Variants in MUSK observed in about 807,000 individuals in gnomAD.
The protein encoded by MUSK is muscle, skeletal receptor tyrosine-protein kinase.
Under a neutral mutation model 88.7 loss-of-function variants are expected in MUSK, and 55 were observed. That is an observed-to-expected ratio of 0.62 (90% CI 0.50 to 0.78). The LOEUF is 0.78. Among genes scored for constraint, MUSK ranks in the 30% least tolerant of loss-of-function variants. MUSK has a pLI of 0.00. For synonymous variants in MUSK, 387 were observed against 391.9 expected, an observed-to-expected ratio of 0.99 and a Z score of 0.15; for missense variants, 1,015 against 1,074.3, an observed-to-expected ratio of 0.94 and a Z score of 0.77.
At chr9:110,787,113 C>T (rs956844976) in intron 13 of MUSK, among the ~76,000 whole-genome samples, 3 of 152,024 alleles carry the variant, frequency 2.0e-5, no homozygotes, top group Non-Finnish European at 4.4e-5. Context: ...CTGTAATCCC[C>T]GCAGTTTGGG....
chr9:110,669,866 C>G (rs1467585571), intron 1 of MUSK, among the ~76,000 whole-genome samples: 2 of 152,036 alleles, frequency 1.3e-5, no homozygotes, highest in African/African-American at 4.8e-5. Flanking sequence ...TAATGTTATA[C>G]CATAGAGTAA....
intron 3 of MUSK, among the ~76,000 whole-genome samples, chr9:110,693,809 C>T (rs1456688556): frequency 6.6e-6 from 1 of 152,052 alleles, no homozygotes; most frequent in African/African-American, 2.4e-5. Context: ...TTCAGGGAAC[C>T]TATGGAAGGC....
In MUSK at chr9:110,775,925, A is replaced by C. The variant is rs2077664264; in HGVS notation, c.1322A>C (p.His441Pro). 1 of 1,613,840 alleles carries C rather than the reference A, an allele frequency of 6.2e-7. No individual in the cohort carries two copies. The highest frequency in any genetic ancestry group is 1.3e-5 in the African/African-American group (1 of 74,940). Residue 441 changes from histidine (H) to proline (P), a missense_variant, in exon 10 of 15, where the codon CAT becomes CCT. Physicochemically the swap from His to Pro is moderately conservative, Grantham distance 77. Coordinates refer to ENST00000374448, the MANE Select transcript of MUSK (RefSeq NM_005592.4). ...VPECSKLPSM[H>P]WDPTACARLP... Reference sequence around the variant, plus strand: ...GAATGCAGCAAGCTTCCCAGCATGCATTGGGACCCCACGGCCTGTGCCAGA... The same window carrying C: ...GAATGCAGCAAGCTTCCCAGCATGCCTTGGGACCCCACGGCCTGTGCCAGA...
At chr9:110,714,234 A>C (rs1158562062) in intron 5 of MUSK, among the ~76,000 whole-genome samples, 1 of 152,212 alleles carries the variant, frequency 6.6e-6, no homozygotes, top group African/African-American at 2.4e-5. Context: ...CCTAAGACTG[A>C]AACAAAAACA....
chr9:110,701,053 C>G (rs2076494801), intron 5 of MUSK, among the ~76,000 whole-genome samples: 1 of 152,056 alleles, frequency 6.6e-6, no homozygotes. Context: ...TCTCTATTTC[C>G]TCTAGGAAGG....
intron 8 of MUSK, among the ~76,000 whole-genome samples, chr9:110,764,010 C>T (rs1345327719): frequency 6.6e-6 from 1 of 152,128 alleles, no homozygotes; most frequent in Non-Finnish European, 1.5e-5. Context: ...GATCAAATAT[C>T]CATTATTGCC....
intron 3 of MUSK, among the ~76,000 whole-genome samples, chr9:110,688,659 C>G: frequency 6.6e-6 from 1 of 151,754 alleles, no homozygotes; most frequent in East Asian, 1.9e-4. Flanking sequence ...TGTTTCCCCC[C>G]ATGTGTTCAT....
chr9:110,784,853 A>C lies in MUSK; in HGVS notation c.1423A>C (p.Ile475Leu). ...GACGTCCTCAAAGCCAAGTGTGGAC[A>C]TTCCAAATCTGCCTTCCTCCTCCTC... ...PMTSSKPSVD[I>L]PNLPSSSSSS... The change falls in exon 12 of 15, where the codon ATT becomes CTT. Residue 475 changes from isoleucine to leucine, a missense_variant. Coordinates refer to ENST00000374448, the MANE Select transcript of MUSK (RefSeq NM_005592.4). 6.2e-7 allele frequency: 1 copy of C among 1,613,822 alleles called. No individual in the cohort carries two copies. Among genetic ancestry groups the C allele is most frequent in the Non-Finnish European group, 8.5e-7 (1 of 1,179,788 alleles).
chr9:110,687,686 G>C (rs1354633552), intron 3 of MUSK, among the ~76,000 whole-genome samples: 1 of 152,034 alleles, frequency 6.6e-6, no homozygotes, highest in African/African-American at 2.4e-5. Flanking sequence ...CTCAGGCCTG[G>C]TGATTCAGCA....
rs2078077032 is a variant in MUSK at position 110,800,549 on chromosome 9, G to A, written c.2171G>A (p.Arg724Gln). 6.2e-7 allele frequency: 1 copy of A among 1,613,828 alleles called. No individual in the cohort carries two copies. The highest frequency in any genetic ancestry group is 8.5e-7 in the Non-Finnish European group (1 of 1,179,856). The change falls in exon 15 of 15, where the codon CGA becomes CAA. Residue 724 changes from arginine to glutamine, a missense_variant. By Grantham distance (43) the Arg-to-Gln change is conservative. Coordinates refer to ENST00000374448, the MANE Select transcript of MUSK (RefSeq NM_005592.4). ...CTCTCAGAACGTAAGTTTGTTCACC[G>A]AGATTTAGCCACCAGGAACTGCCTG... ...AYLSERKFVH[R>Q]DLATRNCLVG...
At chr9:110,770,714 A>C (rs1175150191) in intron 9 of MUSK, among the ~76,000 whole-genome samples, 1 of 148,416 alleles carries the variant, frequency 6.7e-6, no homozygotes, top group African/African-American at 2.5e-5. Flanking sequence ...ATCTTGTATT[A>C]TGCCTGCTAG....
intron 7 of MUSK, among the ~76,000 whole-genome samples, chr9:110,749,044 T>C (rs1411534171): frequency 1.3e-5 from 2 of 152,020 alleles, no homozygotes; most frequent in Non-Finnish European, 2.9e-5. Context: ...TAATATCACA[T>C]AATAAGTAAT....
rs564216618 is a variant in MUSK at position 110,714,946 on chromosome 9, C to G, written c.628+17480C>G. Among the ~76,000 whole-genome samples the G allele has an allele frequency of 2.2e-5, 3 of 137,502 alleles. 1 individual carries two copies. The East Asian group carries it at 6.1e-4, about 28-fold the overall frequency. The allele number at this position is 137,502 out of a possible 152,430, so 90.2% of individuals were successfully genotyped here. A position where few individuals can be genotyped will look rare whatever the true frequency, so the allele number is the denominator to read the frequency against. ...AGCATCTATGTTTTAATAACAGGGTCGAAAGAATTTCTCTCTCTACAGAGT... is the reference window on the plus strand; with the variant it reads ...AGCATCTATGTTTTAATAACAGGGTGGAAAGAATTTCTCTCTCTACAGAGT... On this transcript the variant is annotated intron_variant, in intron 5 of 14. Transcript: ENST00000374448.
rs756610821 is a variant in MUSK, at chr9:110,785,610, T to C, written c.1670T>C (p.Met557Thr). The C allele has an allele frequency of 3.1e-6, 5 of 1,613,470 alleles. No individual in the cohort carries two copies. The African/African-American group carries it at 4.0e-5, about 13-fold the overall frequency. Residue 557 changes from methionine (M) to threonine (T), a missense_variant, in exon 13 of 15, where the codon ATG (methionine) becomes ACG (threonine). Physicochemically the swap from Met to Thr is moderately conservative, Grantham distance 81. Transcript: ENST00000374448. ...RLHPNPMYQR[M>T]PLLLNPKLLS... Reference sequence around the variant, plus strand: ...CATCCCAACCCCATGTACCAGAGGATGCCGCTCCTTCTGAACCCCAAATTG... The same window carrying C: ...CATCCCAACCCCATGTACCAGAGGACGCCGCTCCTTCTGAACCCCAAATTG...
intron 1 of MUSK, among the ~76,000 whole-genome samples, chr9:110,672,367 C>G (rs1182412227): frequency 6.6e-6 from 1 of 152,140 alleles, no homozygotes; most frequent in East Asian, 1.9e-4. Flanking sequence ...GAAGACCCAG[C>G]TGGGGCTAGG....
intron 5 of MUSK, among the ~76,000 whole-genome samples, chr9:110,713,497 T>A (rs955306680): frequency 6.6e-6 from 1 of 152,114 alleles, no homozygotes; most frequent in Non-Finnish European, 1.5e-5. Context: ...TGGCCTCAAG[T>A]GATCCACCTG....
intron 8 of MUSK, among the ~76,000 whole-genome samples, chr9:110,764,709 G>T (rs1224091116): frequency 1.3e-5 from 2 of 152,048 alleles, no homozygotes; most frequent in African/African-American, 4.8e-5. Flanking sequence ...TAATACCAAA[G>T]CCAAGTCCTT....
intron 13 of MUSK, among the ~76,000 whole-genome samples, chr9:110,786,524 T>C (rs1178293567): frequency 6.6e-5 from 10 of 152,058 alleles, no homozygotes; most frequent in Admixed American, 6.6e-4. Context: ...TATAAGAAAT[T>C]AGTAATATAG....
intron 5 of MUSK, among the ~76,000 whole-genome samples, 155 bp downstream of exon 5, chr9:110,697,621 G>A (rs2076450139): frequency 6.6e-6 from 1 of 151,966 alleles, no homozygotes; most frequent in Non-Finnish European, 1.5e-5. Flanking sequence ...TATGATAACA[G>A]AAAAGGAAAA....
Sources: gnomAD v4.1 joint callset for allele counts (sites outside exome capture counted in the v4.1 genomes callset) on GRCh38, gnomAD v4.1.1 for gene constraint, MANE v1.5 for transcripts, NCBI Gene and HGNC (gene_info 2026-07-23, HGNC 2026-07-21) for gene names.